The following ACOX3 variants were observed in gnomAD, a reference collection of about 807,000 sequenced individuals.
ACOX3 encodes the protein acyl-CoA oxidase 3, pristanoyl.
In ACOX3, 73 loss-of-function variants were observed where a neutral mutation model predicts 81.5. The ratio of observed to expected loss-of-function variants is 0.90; its 90% confidence interval spans 0.74 to 1.09. The LOEUF (loss-of-function observed/expected upper bound fraction) is 1.09. Among genes scored for constraint, ACOX3 ranks in the 50% least tolerant of loss-of-function variants. The probability of loss-of-function intolerance (pLI) is 0.00; values close to 1 mark genes in which losing one functional copy is unlikely to be tolerated. For missense variants in ACOX3, 947 were observed against 928.0 expected (o/e 1.02, Z -0.27); for synonymous variants, 387 against 375.1 (o/e 1.03, Z -0.37).
the ACOX3 span, among the ~76,000 whole-genome samples, chr4:8,360,123 G>C: frequency 1.3e-5 from 2 of 152,172 alleles, no homozygotes; most frequent in African/African-American, 2.4e-5. Flanking sequence ...TAACCATGTG[G>C]CCATGCTTTC....
chr4:8,383,020 C>T (rs1717890237), intron 13 of ACOX3, among the ~76,000 whole-genome samples: 3 of 151,874 alleles, frequency 2.0e-5, no homozygotes, highest in South Asian at 4.2e-4. Flanking sequence ...AAGAAAATAC[C>T]CAACGTTGCA....
intron 14 of ACOX3, among the ~76,000 whole-genome samples, chr4:8,377,999 C>G (rs1717183752): frequency 6.6e-6 from 1 of 152,174 alleles, no homozygotes; most frequent in African/African-American, 2.4e-5. Context: ...TCTTCTGGAC[C>G]ACCTCAGCTG....
chr4:8,383,103 C>T (rs1020672427), intron 13 of ACOX3, among the ~76,000 whole-genome samples: 3 of 152,246 alleles, frequency 2.0e-5, no homozygotes, highest in Non-Finnish European at 4.4e-5. Flanking sequence ...CTGAGAAGCC[C>T]GTCACAAACC....
intron 14 of ACOX3, among the ~76,000 whole-genome samples, chr4:8,375,789 T>C (rs1716895047): frequency 6.6e-6 from 1 of 152,238 alleles, no homozygotes; most frequent in Non-Finnish European, 1.5e-5. Flanking sequence ...GTTGCTGCAT[T>C]AGTCTGCTGA....
intron 5 of ACOX3, among the ~76,000 whole-genome samples, chr4:8,413,371 C>A (rs572367528): frequency 5.3e-4 from 76 of 142,110 alleles, no homozygotes; most frequent in African/African-American, 1.9e-3. Context: ...CATCTCCCTC[C>A]ACCCCTGTGC....
chr4:8,405,933 C>T lies in ACOX3; in HGVS notation c.776+22G>A, dbSNP rs1174267837. 3 of 1,611,312 alleles carry T rather than the reference C, an allele frequency of 1.9e-6. No homozygotes were observed. The Admixed American group carries it at 5.0e-5, about 27-fold the overall frequency. ...CTGGGCCTTGGCAGGAAGCTCAGGG[C>T]TCAGCAGCCTCTGTCACTCACCCAT... On this transcript the variant is annotated intron_variant, in intron 7 of 17. Transcript: ENST00000356406. The surrounding 1 kb of genome is among the most constrained non-coding windows in gnomAD (Gnocchi z 7.1).
downstream of ACOX3, among the ~76,000 whole-genome samples, chr4:8,363,705 C>G (rs530951049): frequency 7.9e-5 from 12 of 152,122 alleles, no homozygotes; most frequent in South Asian, 6.2e-4. Context: ...ATGAGGTCGG[C>G]ACAGGATGCA....
In ACOX3 at chr4:8,414,091, G is replaced by A. The variant is rs1014184107; in HGVS notation, c.543+201C>T. ...CAATTCCCCATAAAGTTCATGGTGG[G>A]CACAGGCTTTGTCCTCCAATGCCTG... On this transcript the variant is annotated intron_variant, in intron 5 of 17. Transcript: ENST00000356406. This position sits in a 1 kb window ranked among gnomAD's most constrained non-coding sequence, Gnocchi z 6.1. 6.6e-6 allele frequency among the ~76,000 whole-genome samples: 1 copy of A among 152,166 alleles called. No individual in the cohort carries two copies. Among genetic ancestry groups the A allele is most frequent in the Non-Finnish European group, 1.5e-5 (1 of 68,032 alleles).
At chr4:8,373,696 CCT>C in intron 15 of ACOX3, 68 bp from the exon 16 acceptor site, 1 of 1,462,450 alleles carries the variant, frequency 6.8e-7, no homozygotes, top group East Asian at 2.4e-5. Flanking sequence ...ACCAACATGC[CCT>C]GAGTGCACTT....
At position 8,414,516 on chromosome 4, in the gene ACOX3, T is replaced by C. The variant is rs1722116171; in HGVS notation, c.454-135A>G. The C allele has an allele frequency of 4.9e-6, 4 of 820,718 alleles. No individual in the cohort carries two copies. The highest frequency in any genetic ancestry group is 4.8e-5 in the South Asian group (3 of 62,114). The allele number at this position is 820,718 out of a possible 1,614,324, so 50.8% of individuals were successfully genotyped here. ...CCCAAATTTCCATCTACCCAACTAG[T>C]GACTTGACTGAGTCATGCTGCCACA... is the stretch of plus-strand genomic sequence containing the variant. On this transcript the variant is annotated intron_variant, in intron 4 of 17. Coordinates refer to ENST00000356406, the MANE Select transcript of ACOX3 (RefSeq NM_003501.3). This position sits in a 1 kb window ranked among gnomAD's most constrained non-coding sequence, Gnocchi z 6.1.
intron 1 of ACOX3, among the ~76,000 whole-genome samples, chr4:8,428,181 C>T (rs1199234455): frequency 1.3e-5 from 2 of 152,376 alleles, no homozygotes; most frequent in African/African-American, 4.8e-5. Flanking sequence ...CTGGCCCCTG[C>T]TCTGGGTAAC....
rs762369018 is a variant in ACOX3 at position 8,410,318 on chromosome 4, T to G, written c.581A>C (p.Lys194Thr). Reference protein sequence around the residue: ...IIHSPDFEAAKFWVGNMGKTA... With the variant: ...IIHSPDFEAATFWVGNMGKTA... Reference sequence around the variant, plus strand: ...CTTGCCCATGTTGCCAACCCAAAACTTGGCAGCTTCGAAATCAGGGGAATG... The same window carrying G: ...CTTGCCCATGTTGCCAACCCAAAACGTGGCAGCTTCGAAATCAGGGGAATG... Residue 194 changes from lysine to threonine, a missense_variant, in exon 6 of 18, where the codon AAG becomes ACG. By Grantham distance (78) the Lys-to-Thr change is moderately conservative. Coordinates refer to ENST00000356406, the MANE Select transcript of ACOX3 (RefSeq NM_003501.3). 1 of 1,614,066 alleles carries G rather than the reference T, an allele frequency of 6.2e-7. No individual in the cohort carries two copies. The highest frequency in any genetic ancestry group is 8.5e-7 in the Non-Finnish European group (1 of 1,179,968).
downstream of ACOX3, among the ~76,000 whole-genome samples, chr4:8,362,356 T>C (rs963271150): frequency 5.3e-5 from 8 of 152,270 alleles, no homozygotes; most frequent in African/African-American, 4.8e-5. Flanking sequence ...AACTTTTCTT[T>C]TGAGCTATGT....
intron 11 of ACOX3, 85 bp downstream of exon 11, chr4:8,392,248 C>T (rs1719081131): frequency 1.5e-6 from 2 of 1,349,598 alleles, no homozygotes; most frequent in Admixed American, 5.9e-5. Flanking sequence ...ATTTGGTCCT[C>T]AGGCCGCAGT....
chr4:8,424,903 G>T (rs937319395), intron 1 of ACOX3, among the ~76,000 whole-genome samples: 3 of 152,176 alleles, frequency 2.0e-5, no homozygotes, highest in African/African-American at 7.2e-5. Flanking sequence ...CAGTGATAAT[G>T]GAATACTTGA....
Position 8,385,171 on chromosome 4 carries a change from C to CAATA in ACOX3, c.1538-3568_1538-3565dup, listed in dbSNP as rs1232839277. 6.6e-6 allele frequency among the ~76,000 whole-genome samples: 1 copy of CAATA among 152,162 alleles called. No homozygotes were observed. Among genetic ancestry groups the CAATA allele is most frequent in the Admixed American group, 6.5e-5 (1 of 15,282 alleles). On this transcript the variant is annotated intron_variant, in intron 13 of 17. Transcript: ENST00000356406. This position sits in a 1 kb window ranked among gnomAD's most constrained non-coding sequence, Gnocchi z 5.5. ...GTCACAGCGGGGGGCAGTGCTGACC[C>CAATA]AATAGCCTGTGCTCCCACCCTCTGG...
chr4:8,435,296 C>T (rs372169229), intron 1 of ACOX3, among the ~76,000 whole-genome samples: 1 of 152,168 alleles, frequency 6.6e-6, no homozygotes, highest in Non-Finnish European at 1.5e-5. Context: ...TGAGACCATC[C>T]TGACTAATAG....
chr4:8,414,358 G>C lies in ACOX3; in HGVS notation c.477C>G (p.Thr159=). The stretch of plus-strand genomic sequence containing the variant: ...TGGTATTACTGCCGTGGCTTAATTC[G>C]GTCAGAGCAAAACATCCAAAAATCT... ...RMEIFGCFAL[T]ELSHGSNTKA... The change falls in exon 5 of 18, where the codon ACC becomes ACG. Residue 159 remains threonine (T), a synonymous_variant. Coordinates refer to ENST00000356406, the MANE Select transcript of ACOX3 (RefSeq NM_003501.3). This position sits in a 1 kb window ranked among gnomAD's most constrained non-coding sequence, Gnocchi z 6.1. 1 of 1,614,056 alleles carries C rather than the reference G, an allele frequency of 6.2e-7. No individual in the cohort carries two copies. The highest frequency in any genetic ancestry group is 8.5e-7 in the Non-Finnish European group (1 of 1,180,012).
intron 17 of ACOX3, among the ~76,000 whole-genome samples, chr4:8,369,240 TC>T (rs1715853528): frequency 6.6e-6 from 1 of 152,056 alleles, no homozygotes; most frequent in Non-Finnish European, 1.5e-5. Context: ...GGCTCCAGTG[TC>T]CCTTCGAATG....
Sources: gnomAD v4.1 joint callset for allele counts (sites outside exome capture counted in the v4.1 genomes callset) on GRCh38, gnomAD v4.1.1 for gene constraint, Gnocchi (gnomAD v3.1) non-coding constraint, MANE v1.5 for transcripts, NCBI Gene and HGNC (gene_info 2026-07-23, HGNC 2026-07-21) for gene names.